CELSR2: variants seen among roughly 807,000 people sequenced by gnomAD.
The protein encoded by CELSR2 is cadherin EGF LAG seven-pass G-type receptor 2, also known as EGF-like protein 2.
In CELSR2, 81 loss-of-function variants were observed where a neutral mutation model predicts 251.6. That is an observed-to-expected ratio of 0.32 (90% CI 0.27 to 0.39). CELSR2 has a LOEUF of 0.39. CELSR2 is among the 10% of genes least tolerant of loss of function. The pLI is 1.00. For synonymous variants in CELSR2, 1,721 were observed against 1,670.5 expected (o/e 1.03, Z -0.74); for missense variants, 3,365 against 3,947.7 (o/e 0.85, Z 3.96).
chr1:109,269,441 T>A lies in CELSR2; in HGVS notation c.6830T>A (p.Ile2277Asn), dbSNP rs1291633788. The change falls in exon 21 of 34, where the codon ATC becomes AAC. Residue 2277 changes from isoleucine to asparagine, a missense_variant. Around this residue, in one of 5 missense-constraint regions of CELSR2, gnomAD observed 2,093 missense variants for 2,382.8 expected, o/e 0.88. Transcript: ENST00000271332. This position sits in a 1 kb window ranked among gnomAD's most constrained non-coding sequence, Gnocchi z 6.4. ...KRSLRVPKRP[I>N]INTPVVSISV... ...CACATCAGAGTCCCCAAACGCCCGATCATCAACACACCCGTGGTGAGCATC... is the reference window on the plus strand; with the variant it reads ...CACATCAGAGTCCCCAAACGCCCGAACATCAACACACCCGTGGTGAGCATC... 1 of 1,613,710 alleles carries A rather than the reference T, an allele frequency of 6.2e-7. No homozygotes were observed. The highest frequency in any genetic ancestry group is 8.5e-7 in the Non-Finnish European group (1 of 1,179,936).
chr1:109,274,237 C>A lies in CELSR2; in HGVS notation c.*188C>A. 7.2e-7 allele frequency: 1 copy of A among 1,394,986 alleles called. No individual in the cohort carries two copies. Among genetic ancestry groups the A allele is most frequent in the Non-Finnish European group, 9.5e-7 (1 of 1,052,012 alleles). The allele number at this position is 1,394,986 out of a possible 1,614,324, so 86.4% of individuals were successfully genotyped here. ...CACCCCACCTAAGGCCATCTAGTGCCAACTCCCCCCCCACCATTCCCCTCA... is the reference window on the plus strand; with the variant it reads ...CACCCCACCTAAGGCCATCTAGTGCAAACTCCCCCCCCACCATTCCCCTCA... On this transcript the variant is annotated 3_prime_UTR_variant, in exon 34 of 34. Transcript: ENST00000271332.
chr1:109,250,027 G>GAGGAGGAGCCGC lies in CELSR2; in HGVS notation c.-52_-41dup. 3.9e-6 allele frequency: 5 copies of GAGGAGGAGCCGC among 1,283,420 alleles called. No homozygotes were observed. The highest frequency in any genetic ancestry group is 2.9e-6 in the Non-Finnish European group (3 of 1,022,254). 79.5% of individuals were successfully genotyped at this position (1,283,420 alleles called of 1,614,324 possible). On this transcript the variant is annotated 5_prime_UTR_variant, in exon 1 of 34. Transcript: ENST00000271332. The surrounding 1 kb of genome is among the most constrained non-coding windows in gnomAD (Gnocchi z 4.4). ...GGCGCGGCGGGGCCGGCAGGAGCCGGAGGAGGAGCCGCCGCCGCCGTTGAC... is the reference window on the plus strand; with the variant it reads ...GGCGCGGCGGGGCCGGCAGGAGCCGGAGGAGGAGCCGCAGGAGGAGCCGCCGCCGCCGTTGAC...
intron 1 of CELSR2, among the ~76,000 whole-genome samples, chr1:109,256,470 C>G (rs555456772): frequency 1.2e-4 from 19 of 152,312 alleles, no homozygotes; most frequent in African/African-American, 3.6e-4. Context: ...CCGGCTTCAG[C>G]TGAGCCACCG....
chr1:109,255,980 C>G (rs1451865798), intron 1 of CELSR2, among the ~76,000 whole-genome samples: 1 of 152,200 alleles, frequency 6.6e-6, no homozygotes, highest in African/African-American at 2.4e-5. Flanking sequence ...GTTCCCAGGG[C>G]TGAGGGGTGG....
chr1:109,271,329 G>T, intron 26 of CELSR2, 33 bp downstream of exon 26: 1 of 1,613,784 alleles, frequency 6.2e-7, no homozygotes, highest in South Asian at 1.1e-5. Flanking sequence ...TGGGCCATGG[G>T]CAGGCACCAG....
rs2101284532 is a variant in CELSR2, at chr1:109,273,169, G to A, written c.8342G>A (p.Gly2781Glu). The change falls in exon 32 of 34, where the codon GGG becomes GAG. Residue 2781 changes from glycine (G) to glutamate (E), a missense_variant. Gly to Glu is a moderately conservative substitution (Grantham distance 98). Coordinates refer to ENST00000271332, the MANE Select transcript of CELSR2 (RefSeq NM_001408.3). Reference protein sequence around the residue: ...RLPLHSTPKDGGPGPGKAPWP... With the variant: ...RLPLHSTPKDEGPGPGKAPWP... ...ATCTACTTCCTTTCCCCACCAGATGGGGGCCCAGGGCCTGGCAAGGCCCCC... is the reference window on the plus strand; with the variant it reads ...ATCTACTTCCTTTCCCCACCAGATGAGGGCCCAGGGCCTGGCAAGGCCCCC... The A allele has an allele frequency of 6.2e-7, 1 of 1,612,474 alleles. No individual in the cohort carries two copies. The highest frequency in any genetic ancestry group is 1.3e-5 in the African/African-American group (1 of 74,906).
chr1:109,263,371 G>C, intron 8 of CELSR2, 104 bp downstream of exon 8: 1 of 1,471,738 alleles, frequency 6.8e-7, no homozygotes, highest in Non-Finnish European at 9.0e-7. Context: ...GAGCGGGGCT[G>C]TGGGTGGAAA....
chr1:109,272,119 AG>A (rs1186471417), intron 28 of CELSR2, among the ~76,000 whole-genome samples, 158 bp from the exon 29 acceptor site: 2 of 152,138 alleles, frequency 1.3e-5, no homozygotes, highest in Non-Finnish European at 2.9e-5. Context: ...GACCACTGCC[AG>A]GCCTCAATAT....
chr1:109,270,902 G>A (rs948957168), intron 24 of CELSR2, 25 bp from the exon 25 acceptor site: 4 of 1,560,422 alleles, frequency 2.6e-6, no homozygotes, highest in Non-Finnish European at 3.5e-6. Context: ...CCCCTCCACT[G>A]CTCCCGTCTG....
intron 23 of CELSR2, 145 bp downstream of exon 23, chr1:109,270,278 C>G: frequency 8.1e-7 from 1 of 1,234,588 alleles, no homozygotes. Context: ...TTCTGTGGCT[C>G]CCCCGGGATC....
Position 109,271,088 on chromosome 1 carries a change from GTCC to G in CELSR2, c.7596+54_7596+56del, listed in dbSNP as rs756768049. The G allele has an allele frequency of 9.0e-6, 14 of 1,555,444 alleles. No homozygotes were observed. In the African/African-American group the frequency reaches 9.5e-5, roughly 11 times the overall value. On this transcript the variant is annotated intron_variant, in intron 25 of 33. Coordinates refer to ENST00000271332, the MANE Select transcript of CELSR2 (RefSeq NM_001408.3). The stretch of plus-strand genomic sequence containing the variant: ...GTGTCACCTGTGGCCCTCCTTTGCT[GTCC>G]TCCTGCTGCTGGGGCCGCGTGTCCT...
rs149106884 is a variant in CELSR2 at position 109,261,530 on chromosome 1, G to C, written c.4199G>C (p.Arg1400Pro). The C allele has an allele frequency of 3.1e-6, 5 of 1,614,166 alleles. No homozygotes were observed. In the Admixed American group the frequency reaches 6.7e-5, roughly 22 times the overall value. Reference sequence around the variant, plus strand: ...CTGTTCAGGTTTGCCACAAAGGAGCGCGACGGGTTGCTGTTGTACAATGGG... The same window carrying C: ...CTGTTCAGGTTTGCCACAAAGGAGCCCGACGGGTTGCTGTTGTACAATGGG... Reference protein sequence around the residue: ...TLALSFATKERDGLLLYNGRF... With the variant: ...TLALSFATKEPDGLLLYNGRF... Residue 1400 changes from arginine (R) to proline (P), a missense_variant, in exon 4 of 34, where the codon CGC (arginine) becomes CCC (proline). By Grantham distance (103) the Arg-to-Pro change is moderately radical. Around this residue, in one of 5 missense-constraint regions of CELSR2, gnomAD observed 2,093 missense variants for 2,382.8 expected, o/e 0.88. Transcript: ENST00000271332. This position sits in a 1 kb window ranked among gnomAD's most constrained non-coding sequence, Gnocchi z 4.8.
chr1:109,273,733 GCT>G, intron 33 of CELSR2, 63 bp downstream of exon 33: 1 of 1,302,140 alleles, frequency 7.7e-7, no homozygotes, highest in Non-Finnish European at 1.0e-6. Context: ...TGGGCCCAGA[GCT>G]GCCTCCGGGC....
rs771432538 is a variant in CELSR2, at chr1:109,250,703, G to C, written c.624G>C (p.Pro208=). The part of the protein sequence containing the change: ...TPVASLRAID[P]DEGEAGRLEY... ...TTGCATCCCTGAGGGCCATCGACCC[G>C]GACGAGGGTGAGGCAGGTCGACTGG... Residue 208 remains proline, a synonymous_variant, in exon 1 of 34, where the codon CCG becomes CCC. Transcript: ENST00000271332. This position sits in a 1 kb window ranked among gnomAD's most constrained non-coding sequence, Gnocchi z 4.4. The C allele has an allele frequency of 2.1e-5, 34 of 1,613,974 alleles. No individual in the cohort carries two copies. Among genetic ancestry groups the C allele is most frequent in the Non-Finnish European group, 2.7e-5 (32 of 1,180,040 alleles).
At position 109,252,538 on chromosome 1, in the gene CELSR2, A is replaced by G; in HGVS notation, c.2459A>G (p.Tyr820Cys). ...GCCCCTCAGTTCCTGCGAGACTCCT[A>G]CCAGGGCAGTGTCTATGAGGATGTG... is the stretch of plus-strand genomic sequence containing the variant. ...DNAPQFLRDS[Y>C]QGSVYEDVPP... The change falls in exon 1 of 34, where the codon TAC (tyrosine) becomes TGC (cysteine). Residue 820 changes from tyrosine to cysteine, a missense_variant. Tyr to Cys is a radical substitution (Grantham distance 194). Coordinates refer to ENST00000271332, the MANE Select transcript of CELSR2 (RefSeq NM_001408.3). This position sits in a 1 kb window ranked among gnomAD's most constrained non-coding sequence, Gnocchi z 4.8. The G allele has an allele frequency of 6.2e-7, 1 of 1,613,874 alleles. No homozygotes were observed. Among genetic ancestry groups the G allele is most frequent in the East Asian group, 2.2e-5 (1 of 44,876 alleles).
chr1:109,270,363 C>T (rs759823025), intron 23 of CELSR2, 63 bp from the exon 24 acceptor site: 66 of 1,573,702 alleles, frequency 4.2e-5, no homozygotes, highest in Non-Finnish European at 5.4e-5. Flanking sequence ...ATGCCTGACC[C>T]GAAGCAGAGC....
Position 109,271,058 on chromosome 1 carries a change from G to A in CELSR2, c.7596+19G>A. 6.3e-7 allele frequency: 1 copy of A among 1,594,168 alleles called. No homozygotes were observed. The highest frequency in any genetic ancestry group is 8.6e-7 in the Non-Finnish European group (1 of 1,162,828). On this transcript the variant is annotated intron_variant, in intron 25 of 33. Transcript: ENST00000271332. ...CGTCTCGGTGAGTGCTAGCAGGTGG[G>A]TTGGGTGTCACCTGTGGCCCTCCTT... is the stretch of plus-strand genomic sequence containing the variant.
At position 109,271,388 on chromosome 1, in the gene CELSR2, C is replaced by G. The variant is rs748651235; in HGVS notation, c.7679C>G (p.Ser2560Trp). ...TCATGGCCTGTCCCTATCCCCAGCT[C>G]GGGCCTGCAGCCCTCCTTCGCCGTC... ...RQGFEKKGPV[S>W]GLQPSFAVLL... is the part of the protein sequence containing the mutation. The change falls in exon 27 of 34, where the codon TCG becomes TGG. Residue 2560 changes from serine (S) to tryptophan (W), a missense_variant and splice_region_variant. Ser to Trp is a radical substitution (Grantham distance 177). This residue lies in a region of CELSR2 where 2,093 missense variants were observed against 2,382.8 expected (regional missense o/e 0.88). Transcript: ENST00000271332. The G allele has an allele frequency of 1.9e-6, 3 of 1,612,872 alleles. No individual in the cohort carries two copies. The highest frequency in any genetic ancestry group is 4.5e-5 in the East Asian group (2 of 44,772).
intron 30 of CELSR2, 45 bp from the exon 31 acceptor site, chr1:109,272,788 G>T (rs770430768): frequency 1.1e-5 from 18 of 1,612,990 alleles, no homozygotes; most frequent in Non-Finnish European, 1.5e-5. Flanking sequence ...ACTGAAGGTG[G>T]GTGGAGGTGG....
Sources: allele counts gnomAD v4.1 joint callset (sites outside exome capture counted in the v4.1 genomes callset), GRCh38; gene constraint gnomAD v4.1.1; regional missense constraint gnomAD v4.1.1; non-coding constraint Gnocchi (gnomAD v3.1); transcripts MANE v1.5; gene names NCBI Gene and HGNC (gene_info 2026-07-23, HGNC 2026-07-21).